Variants in SH3BGRL observed in about 807,000 individuals in gnomAD.
SH3BGRL encodes adapter SH3BGRL.
A neutral mutation model predicts 9.8 loss-of-function variants in SH3BGRL; 7 were observed. The ratio of observed to expected loss-of-function variants is 0.72; its 90% CI spans 0.41 to 1.35. The LOEUF (loss-of-function observed/expected upper bound fraction) is 1.35. Ranked by LOEUF, SH3BGRL falls within the 40% of genes most tolerant of loss-of-function variation. SH3BGRL has a pLI of 0.01. For missense variants in SH3BGRL, 73 were observed against 84.4 expected (o/e 0.86, Z 0.53); for synonymous variants, 36 against 29.1 (o/e 1.24, Z -0.76).
intron 1 of SH3BGRL, among the ~76,000 whole-genome samples, chrX:81,275,409 A>G (rs1451283431): frequency 9.0e-6 from 1 of 111,486 alleles, no homozygotes; most frequent in African/African-American, 3.3e-5. Context: ...TTGAAAGTAC[A>G]GTCTTAATAG....
chrX:81,258,794 G>T (rs1433748625), intron 1 of SH3BGRL, among the ~76,000 whole-genome samples: 1 of 112,014 alleles, frequency 8.9e-6, no homozygotes, highest in Admixed American at 9.4e-5. Context: ...TCCTACAATA[G>T]ATCAGAGGCT....
chrX:81,233,775 A>G (rs1211841898), intron 1 of SH3BGRL, among the ~76,000 whole-genome samples: 2 of 111,376 alleles, frequency 1.8e-5, no homozygotes, highest in Non-Finnish European at 3.8e-5. Context: ...CCAAGGTCTT[A>G]TAGTCAATAA....
intron 1 of SH3BGRL, among the ~76,000 whole-genome samples, chrX:81,254,491 C>T (rs1602613130): frequency 8.9e-6 from 1 of 111,977 alleles, no homozygotes; most frequent in Non-Finnish European, 1.9e-5. Flanking sequence ...TGCTAGGCTC[C>T]CTTGAAAGGA....
intron 1 of SH3BGRL, among the ~76,000 whole-genome samples, chrX:81,235,560 A>G (rs760586171): frequency 1.4e-4 from 16 of 110,883 alleles, no homozygotes; most frequent in African/African-American, 4.3e-4. Flanking sequence ...TAGACTACCC[A>G]CCTCTACCCA....
intron 1 of SH3BGRL, among the ~76,000 whole-genome samples, chrX:81,271,852 G>GA (rs997158829): frequency 7.3e-5 from 8 of 110,125 alleles, no homozygotes; most frequent in African/African-American, 6.6e-5. Flanking sequence ...CAGACAAGCT[G>GA]AAAAAAAAGG....
At chrX:81,254,047 T>A (rs1043969961) in intron 1 of SH3BGRL, among the ~76,000 whole-genome samples, 2 of 111,694 alleles carry the variant, frequency 1.8e-5, no homozygotes, top group Non-Finnish European at 3.8e-5. Flanking sequence ...AAAACTGTGT[T>A]AGGCTTACAA....
At chrX:81,203,479 G>T (rs2075536169) in intron 1 of SH3BGRL, among the ~76,000 whole-genome samples, 1 of 111,876 alleles carries the variant, frequency 8.9e-6, no homozygotes, top group African/African-American at 3.3e-5. Context: ...TTAAAAAAAA[G>T]AACACCTTTT....
At chrX:81,245,457 G>A (rs2075685472) in intron 1 of SH3BGRL, among the ~76,000 whole-genome samples, 3 of 111,737 alleles carry the variant, frequency 2.7e-5, no homozygotes, top group African/African-American at 9.7e-5. Flanking sequence ...ATGGTTTGGC[G>A]AGCTTGCTTT....
rs1028258626 is a variant in SH3BGRL at position 81,229,751 on chromosome X, G to T, written c.45+27506G>T. ...TTTGTGTTCCTCTTGATGTCCAGGC[G>T]CTTGTATGCGTGCCCAGTAGGGTCT... On this transcript the variant is annotated intron_variant, in intron 1 of 3. Coordinates refer to ENST00000373212, the MANE Select transcript of SH3BGRL (RefSeq NM_003022.3). Among the ~76,000 whole-genome samples the T allele has an allele frequency of 1.8e-4, 20 of 111,659 alleles. No homozygotes were observed. The Admixed American group carries it at 1.9e-3, about 11-fold the overall frequency.
intron 3 of SH3BGRL, among the ~76,000 whole-genome samples, chrX:81,281,527 A>G (rs1413910218): frequency 8.9e-6 from 1 of 112,252 alleles, no homozygotes; most frequent in Non-Finnish European, 1.9e-5. Flanking sequence ...GCCTCCTTAA[A>G]CAAAATGATT....
At chrX:81,206,191 C>T (rs767164706) in intron 1 of SH3BGRL, among the ~76,000 whole-genome samples, 11 of 110,396 alleles carry the variant, frequency 1.0e-4, no homozygotes, top group Non-Finnish European at 2.1e-4. Context: ...TGATTGTTTC[C>T]TTTGCTGTGC....
intron 1 of SH3BGRL, among the ~76,000 whole-genome samples, chrX:81,274,917 A>G (rs1486740543): frequency 1.8e-5 from 2 of 111,300 alleles, no homozygotes; most frequent in Non-Finnish European, 3.8e-5. Flanking sequence ...GTTCAGCTTT[A>G]TGGAGATGTA....
At chrX:81,267,364 A>G (rs1309598713) in intron 1 of SH3BGRL, among the ~76,000 whole-genome samples, 1 of 111,718 alleles carries the variant, frequency 9.0e-6, no homozygotes, top group Non-Finnish European at 1.9e-5. Flanking sequence ...AGCTCCTATT[A>G]TGTTGAGATA....
intron 3 of SH3BGRL, 51 bp from the exon 4 acceptor site, chrX:81,297,144 G>T (rs760175082): frequency 9.1e-7 from 1 of 1,096,090 alleles, no homozygotes; most frequent in African/African-American, 1.8e-5. Context: ...ACACATGGGT[G>T]TCTGCTCTGT....
chrX:81,272,152 G>A (rs1023232305), intron 1 of SH3BGRL, among the ~76,000 whole-genome samples: 4 of 102,725 alleles, frequency 3.9e-5, no homozygotes, highest in Non-Finnish European at 7.9e-5. Context: ...AGCTGAGATC[G>A]TGCCACTGCA....
chrX:81,273,649 GTT>G (rs11354793), intron 1 of SH3BGRL, among the ~76,000 whole-genome samples: 2,833 of 70,868 alleles, frequency 0.04, 37 homozygotes, highest in Non-Finnish European at 0.059. Context: ...TGGTTAAATG[GTT>G]TTTTTTTTTT....
chrX:81,233,314 AGC>A (rs1417545411), intron 1 of SH3BGRL, among the ~76,000 whole-genome samples: 3 of 112,103 alleles, frequency 2.7e-5, no homozygotes, highest in African/African-American at 9.7e-5. Flanking sequence ...GCATACGTAG[AGC>A]TTTGTAGACC....
chrX:81,278,259 G>A (rs1197922960), intron 2 of SH3BGRL, 72 bp from the exon 3 acceptor site: 10 of 790,672 alleles, frequency 1.3e-5, no homozygotes, highest in East Asian at 3.4e-5. Flanking sequence ...CACTGCTTTC[G>A]GCTGAATAAA....
intron 1 of SH3BGRL, among the ~76,000 whole-genome samples, chrX:81,253,917 T>A (rs1229015778): frequency 9.0e-6 from 1 of 111,709 alleles, no homozygotes; most frequent in Non-Finnish European, 1.9e-5. Context: ...TTATGTATCC[T>A]TTCCCTCTGT....
Sources: allele counts gnomAD v4.1 joint callset (sites outside exome capture counted in the v4.1 genomes callset), GRCh38; gene constraint gnomAD v4.1.1; transcripts MANE v1.5; gene names NCBI Gene and HGNC (gene_info 2026-07-23, HGNC 2026-07-21).